EDN1: variants seen among roughly 807,000 people sequenced by gnomAD.
EDN1 encodes the protein endothelin-1.
A neutral mutation model predicts 21.7 loss-of-function variants in EDN1; 11 were observed. That is an observed-to-expected ratio of 0.51 (90% CI 0.32 to 0.84). The LOEUF (loss-of-function observed/expected upper bound fraction) is 0.84, where lower values mean the gene tolerates loss of function less well. Among genes scored for constraint, EDN1 ranks in the 40% least tolerant of loss-of-function variants. EDN1 has a pLI of 0.03. For synonymous variants in EDN1, 85 were observed against 90.6 expected, an observed-to-expected ratio of 0.94 and a Z score of 0.35; for missense variants, 244 against 262.3, an observed-to-expected ratio of 0.93 and a Z score of 0.48.
chr6:12,245,783 A>AT, the EDN1 span, among the ~76,000 whole-genome samples: 1 of 152,164 alleles, frequency 6.6e-6, no homozygotes, highest in African/African-American at 2.4e-5. Context: ...GAGTGGGGTG[A>AT]TTATTTGGAG....
At chr6:12,263,597 GA>G in the EDN1 span, among the ~76,000 whole-genome samples, 11 of 152,120 alleles carry the variant, frequency 7.2e-5, no homozygotes, top group Non-Finnish European at 1.5e-5. Flanking sequence ...AGTTCTCACG[GA>G]AAAACCTTTC....
At chr6:12,279,285 G>T in the EDN1 span, among the ~76,000 whole-genome samples, 1 of 152,168 alleles carries the variant, frequency 6.6e-6, no homozygotes, top group African/African-American at 2.4e-5. Flanking sequence ...ACAGGTAGCA[G>T]AGGCAGAGAG....
chr6:12,292,833 G>A (rs1433882365), intron 2 of EDN1, among the ~76,000 whole-genome samples: 1 of 152,176 alleles, frequency 6.6e-6, no homozygotes, highest in African/African-American at 2.4e-5. Context: ...GGGGTTTCGG[G>A]AATAATTGCC....
At chr6:12,248,919 C>A in the EDN1 span, among the ~76,000 whole-genome samples, 2,233 of 152,272 alleles carry the variant, frequency 0.015, 63 homozygotes, top group African/African-American at 0.049. Context: ...GATGATAGAA[C>A]AAGTGTGAAG....
At chr6:12,283,754 C>G in the EDN1 span, among the ~76,000 whole-genome samples, 2 of 152,202 alleles carry the variant, frequency 1.3e-5, no homozygotes, top group East Asian at 3.8e-4. Flanking sequence ...TCTACATACT[C>G]TCTTTCTCAT....
At chr6:12,284,597 A>G in the EDN1 span, among the ~76,000 whole-genome samples, 2 of 151,514 alleles carry the variant, frequency 1.3e-5, no homozygotes, top group East Asian at 1.9e-4. Context: ...AAAGAAAGAA[A>G]GAAAGAGAAA....
chr6:12,266,015 A>G, the EDN1 span, among the ~76,000 whole-genome samples: 1 of 152,294 alleles, frequency 6.6e-6, no homozygotes, highest in African/African-American at 2.4e-5. Flanking sequence ...CTAGTATTAG[A>G]AGAGGACACA....
chr6:12,273,493 G>A, the EDN1 span, among the ~76,000 whole-genome samples: 1 of 151,650 alleles, frequency 6.6e-6, no homozygotes, highest in Non-Finnish European at 1.5e-5. Flanking sequence ...ATATTCAAGA[G>A]CTATAACAGT....
At chr6:12,264,781 G>A in the EDN1 span, among the ~76,000 whole-genome samples, 1 of 152,196 alleles carries the variant, frequency 6.6e-6, no homozygotes, top group African/African-American at 2.4e-5. Context: ...AGAGCCAGAA[G>A]ATGGGGAGAA....
chr6:12,272,918 G>C, the EDN1 span, among the ~76,000 whole-genome samples: 1 of 152,206 alleles, frequency 6.6e-6, no homozygotes, highest in East Asian at 1.9e-4. Flanking sequence ...GAGCAGGAGG[G>C]AAGAACACAT....
chr6:12,283,732 C>G, the EDN1 span, among the ~76,000 whole-genome samples: 4 of 152,194 alleles, frequency 2.6e-5, no homozygotes, highest in African/African-American at 9.7e-5. Context: ...GAAATATTAA[C>G]CACACATGTT....
At chr6:12,275,974 G>A in the EDN1 span, among the ~76,000 whole-genome samples, 3 of 152,046 alleles carry the variant, frequency 2.0e-5, no homozygotes, top group East Asian at 3.9e-4. Context: ...CATCCTGGCT[G>A]ACATGGTGAA....
intron 4 of EDN1, among the ~76,000 whole-genome samples, chr6:12,295,370 G>A (rs1013501119): frequency 5.9e-5 from 9 of 151,850 alleles, no homozygotes; most frequent in African/African-American, 9.7e-5. Flanking sequence ...TGCTCCCCAC[G>A]AGATCAGTTT....
At chr6:12,268,502 G>C in the EDN1 span, among the ~76,000 whole-genome samples, 404 of 152,266 alleles carry the variant, frequency 2.7e-3, 2 homozygotes, top group Non-Finnish European at 4.9e-3. Flanking sequence ...AATGATGAGA[G>C]ATAGAGGTCT....
the EDN1 span, among the ~76,000 whole-genome samples, chr6:12,235,942 G>A: frequency 3.3e-5 from 5 of 152,292 alleles, no homozygotes; most frequent in East Asian, 1.9e-4. Flanking sequence ...GACACAAAGC[G>A]TACATCATAA....
At position 12,296,467 on chromosome 6, in the gene EDN1, T is replaced by C. The variant is rs112399848; in HGVS notation, c.*400T>C. 2 of 164,604 alleles carry C rather than the reference T, an allele frequency of 1.2e-5. No homozygotes were observed. Among genetic ancestry groups the C allele is most frequent in the Non-Finnish European group, 1.3e-5 (1 of 75,086 alleles). 10.2% of individuals were successfully genotyped at this position (164,604 alleles called of 1,614,324 possible). Reference sequence around the variant, plus strand: ...CGCCTGGCACATTTCAGGGAGAAACTCCAAAGTCCACACAAAGATTTTCTA... The same window carrying C: ...CGCCTGGCACATTTCAGGGAGAAACCCCAAAGTCCACACAAAGATTTTCTA... On this transcript the variant is annotated 3_prime_UTR_variant, in exon 5 of 5. Coordinates refer to ENST00000379375, the MANE Select transcript of EDN1 (RefSeq NM_001955.5).
chr6:12,294,502 G>C, intron 4 of EDN1, 98 bp downstream of exon 4: 1 of 1,454,632 alleles, frequency 6.9e-7, no homozygotes, highest in South Asian at 1.2e-5. Context: ...CTTCTTACCC[G>C]GGCAGGTGAA....
chr6:12,294,232 G>A, intron 3 of EDN1, 29 bp from the exon 4 acceptor site: 1 of 1,614,020 alleles, frequency 6.2e-7, no homozygotes. Context: ...TAACATTGCT[G>A]AAATGTTTTT....
the EDN1 span, among the ~76,000 whole-genome samples, chr6:12,254,654 G>T: frequency 5.8e-4 from 89 of 152,168 alleles, no homozygotes; most frequent in Non-Finnish European, 8.8e-4. Flanking sequence ...TCATCAGAAG[G>T]ATTTGACCAA....
Sources: allele counts gnomAD v4.1 joint callset (sites outside exome capture counted in the v4.1 genomes callset), GRCh38; gene constraint gnomAD v4.1.1; transcripts MANE v1.5; gene names NCBI Gene and HGNC (gene_info 2026-07-23, HGNC 2026-07-21).